The following MBD5 variants were observed in gnomAD, a reference collection of about 807,000 sequenced individuals.
MBD5 encodes the protein methyl-CpG binding domain protein 5, also known as methyl-CpG-binding domain protein 5.
In MBD5, 13 loss-of-function variants were observed where a neutral mutation model predicts 117.3. The observed-to-expected ratio is 0.11, with a 90% CI of 0.07 to 0.18. The LOEUF is 0.18. Among genes scored for constraint, MBD5 ranks in the 10% least tolerant of loss-of-function variants. The pLI is 1.00. For missense variants in MBD5, 1,879 were observed against 2,093.8 expected, an observed-to-expected ratio of 0.90 and a Z score of 2.00; for synonymous variants, 727 against 766.4, an observed-to-expected ratio of 0.95 and a Z score of 0.85.
At chr2:148,449,067 A>G (rs949451369) in intron 4 of MBD5, among the ~76,000 whole-genome samples, 9 of 152,156 alleles carry the variant, frequency 5.9e-5, no homozygotes, top group African/African-American at 1.9e-4. Flanking sequence ...CGTTTTGTTC[A>G]TAGATGTTCT....
At chr2:148,228,720 C>T (rs1699904109) in intron 2 of MBD5, among the ~76,000 whole-genome samples, 1 of 152,162 alleles carries the variant, frequency 6.6e-6, no homozygotes. Flanking sequence ...TAGAATTCGG[C>T]TGTGAATCCA....
Position 148,483,308 on chromosome 2 carries a change from C to CA in MBD5, c.2720dup (p.Asn907LysfsTer46). 1 of 1,614,118 alleles carries CA rather than the reference C, an allele frequency of 6.2e-7. No individual in the cohort carries two copies. Among genetic ancestry groups the CA allele is most frequent in the Non-Finnish European group, 8.5e-7 (1 of 1,180,008 alleles). On this transcript the variant is annotated frameshift_variant, in exon 9 of 14. Coordinates refer to ENST00000642680, the MANE Select transcript of MBD5 (RefSeq NM_001378120.1). LOFTEE classifies it high-confidence loss of function. ...CTTCATTTTCCATCCAACAGCACTT[C>CA]AAACAACCATCTTCCACACCCCTTG...
chr2:148,424,915 T>C (rs1405299325), intron 4 of MBD5, among the ~76,000 whole-genome samples: 1 of 152,010 alleles, frequency 6.6e-6, no homozygotes, highest in Non-Finnish European at 1.5e-5. Context: ...AGCACTAAAT[T>C]CCCACAAGAG....
intron 1 of MBD5, among the ~76,000 whole-genome samples, chr2:148,159,204 T>C (rs1697946876): frequency 6.6e-6 from 1 of 152,220 alleles, no homozygotes; most frequent in Non-Finnish European, 1.5e-5. Context: ...ATGTACCACA[T>C]AGCTGTTATT....
At chr2:148,480,779 A>G (rs1235758979) in intron 8 of MBD5, among the ~76,000 whole-genome samples, 1 of 151,820 alleles carries the variant, frequency 6.6e-6, no homozygotes, top group African/African-American at 2.4e-5. Context: ...TTCTTACCCT[A>G]CTCTTGGTGA....
chr2:148,483,568 C>T lies in MBD5; in HGVS notation c.2977C>T (p.Leu993Phe), dbSNP rs1681235169. The change falls in exon 9 of 14, where the codon CTT becomes TTT. Residue 993 changes from leucine (L) to phenylalanine (F), a missense_variant. Physicochemically the swap from Leu to Phe is conservative, Grantham distance 22. Coordinates refer to ENST00000642680, the MANE Select transcript of MBD5 (RefSeq NM_001378120.1). The stretch of plus-strand genomic sequence containing the variant: ...TCACTTTCAGCTCTTAGCAGCCTTG[C>T]TTCAGAACCAAGCCCAAGCAGCTGC... Reference protein sequence around the residue: ...PVHFQLLAALLQNQAQAAAML... With the variant: ...PVHFQLLAALFQNQAQAAAML... 2 of 1,567,344 alleles carry T rather than the reference C, an allele frequency of 1.3e-6. No individual in the cohort carries two copies. Among genetic ancestry groups the T allele is most frequent in the Non-Finnish European group, 1.7e-6 (2 of 1,156,156 alleles).
chr2:148,335,089 G>C (rs1340001043), intron 3 of MBD5, among the ~76,000 whole-genome samples: 2 of 152,116 alleles, frequency 1.3e-5, no homozygotes, highest in Non-Finnish European at 1.5e-5. Context: ...AATATTCCAA[G>C]TCAAAAGCTA....
intron 4 of MBD5, among the ~76,000 whole-genome samples, chr2:148,387,892 T>A (rs1178078553): frequency 1.3e-5 from 2 of 152,130 alleles, no homozygotes; most frequent in African/African-American, 2.4e-5. Flanking sequence ...ATATATTAGA[T>A]CCAATATAAT....
At chr2:148,064,324 C>T (rs1415313028) in intron 1 of MBD5, among the ~76,000 whole-genome samples, 1 of 151,384 alleles carries the variant, frequency 6.6e-6, no homozygotes, top group Non-Finnish European at 1.5e-5. Context: ...TCCGTGTTAG[C>T]CAGGATGGTC....
rs1326428780 is a variant in MBD5 at position 148,470,134 on chromosome 2, C to T, written c.2191C>T (p.Pro731Ser). Residue 731 changes from proline (P) to serine (S), a missense_variant, in exon 8 of 14, where the codon CCT becomes TCT. Transcript: ENST00000642680. ...PGCGASNTAL[P>S]CSANQLHFTD... The stretch of plus-strand genomic sequence containing the variant: ...TTGTGGGGCCTCAAATACTGCTTTG[C>T]CTTGCTCTGCTAACCAGCTGCATTT... 1.2e-6 allele frequency: 2 copies of T among 1,613,888 alleles called. No individual in the cohort carries two copies. Among genetic ancestry groups the T allele is most frequent in the Non-Finnish European group, 1.7e-6 (2 of 1,179,880 alleles).
rs139918269 is a variant in MBD5, at chr2:148,410,230, A to G, written c.-556-47973A>G. Among the ~76,000 whole-genome samples, 1,139 of 152,230 alleles carry G rather than the reference A, an allele frequency of 7.5e-3. 9 individuals are homozygous for G. The highest frequency in any genetic ancestry group is 0.012 in the Non-Finnish European group (796 of 68,012). ...TAGCAATCACTTTTAAATGTTTACAAATTTTATGAGTAAAAAGCAATACTT... is the reference window on the plus strand; with the variant it reads ...TAGCAATCACTTTTAAATGTTTACAGATTTTATGAGTAAAAAGCAATACTT... On this transcript the variant is annotated intron_variant, in intron 4 of 13. Coordinates refer to ENST00000642680, the MANE Select transcript of MBD5 (RefSeq NM_001378120.1).
intron 1 of MBD5, among the ~76,000 whole-genome samples, chr2:148,097,681 G>C (rs945301032): frequency 6.6e-5 from 10 of 152,206 alleles, no homozygotes; most frequent in Admixed American, 3.9e-4. Flanking sequence ...CTGGAAGCCA[G>C]CCTGGGCAAT....
intron 4 of MBD5, among the ~76,000 whole-genome samples, chr2:148,438,303 G>A (rs1352802772): frequency 6.6e-6 from 1 of 152,136 alleles, no homozygotes; most frequent in Non-Finnish European, 1.5e-5. Flanking sequence ...CTTGTATTTG[G>A]AGAGTCGTAG....
intron 1 of MBD5, among the ~76,000 whole-genome samples, chr2:148,034,606 A>G (rs1033953804): frequency 3.3e-5 from 5 of 152,180 alleles, no homozygotes; most frequent in African/African-American, 7.2e-5. Context: ...TCTTGTAGAC[A>G]TTATCTTATT....
intron 2 of MBD5, among the ~76,000 whole-genome samples, chr2:148,230,657 C>G (rs887263217): frequency 6.6e-6 from 1 of 152,088 alleles, no homozygotes; most frequent in African/African-American, 2.4e-5. Flanking sequence ...TGTGCTTAGT[C>G]TCACCTGAAG....
chr2:148,246,231 T>A (rs2106218827), intron 3 of MBD5, among the ~76,000 whole-genome samples: 1 of 152,278 alleles, frequency 6.6e-6, no homozygotes, highest in Admixed American at 6.5e-5. Flanking sequence ...TTCAAGTTAG[T>A]CAGTTAGTGA....
At chr2:148,300,080 G>A (rs1701745740) in intron 3 of MBD5, among the ~76,000 whole-genome samples, 1 of 151,872 alleles carries the variant, frequency 6.6e-6, no homozygotes, top group South Asian at 2.1e-4. Context: ...TTGAGATGGA[G>A]TTTCACTCTT....
intron 3 of MBD5, among the ~76,000 whole-genome samples, chr2:148,334,074 A>T (rs1425553514): frequency 2.0e-5 from 3 of 152,108 alleles, no homozygotes; most frequent in African/African-American, 4.8e-5. Flanking sequence ...CTCTAAAGAA[A>T]GTATCTAATT....
At chr2:148,338,407 A>G (rs1702850868) in intron 3 of MBD5, among the ~76,000 whole-genome samples, 1 of 152,186 alleles carries the variant, frequency 6.6e-6, no homozygotes, top group African/African-American at 2.4e-5. Flanking sequence ...AACTCATTCA[A>G]AAACATTTAT....
Sources: allele counts gnomAD v4.1 joint callset (sites outside exome capture counted in the v4.1 genomes callset), GRCh38; gene constraint gnomAD v4.1.1; transcripts MANE v1.5; gene names NCBI Gene and HGNC (gene_info 2026-07-23, HGNC 2026-07-21).